The following CNTNAP4 variants were observed in gnomAD, a reference collection of about 807,000 sequenced individuals.
CNTNAP4 encodes the protein contactin associated protein family member 4.
Under a neutral mutation model 148.4 loss-of-function variants are expected in CNTNAP4, and 98 were observed. The ratio of observed to expected loss-of-function variants is 0.66; its 90% CI spans 0.56 to 0.78. The LOEUF (loss-of-function observed/expected upper bound fraction) is 0.78, where lower values mean the gene tolerates loss of function less well. Ranked by LOEUF, CNTNAP4 falls within the 30% of genes least tolerant of loss-of-function variation. CNTNAP4 has a pLI of 0.00. For synonymous variants in CNTNAP4, 730 were observed against 565.1 expected, an observed-to-expected ratio of 1.29 and a Z score of -4.14; for missense variants, 1,935 against 1,565.6, an observed-to-expected ratio of 1.24 and a Z score of -3.98.
At chr16:76,316,071 T>A (rs1961704189) in intron 1 of CNTNAP4, 1 of 368,580 alleles carries the variant, frequency 2.7e-6, no homozygotes, top group Admixed American at 4.3e-5. Flanking sequence ...TCTTTTTAAT[T>A]TCTTTACAGT....
intron 8 of CNTNAP4, among the ~76,000 whole-genome samples, chr16:76,459,030 T>C (rs551460953): frequency 3.3e-4 from 51 of 152,284 alleles, no homozygotes; most frequent in African/African-American, 1.2e-3. Context: ...GATCAGATAA[T>C]AAAATGTTCA....
At chr16:76,322,524 T>G (rs186644847) in intron 2 of CNTNAP4, among the ~76,000 whole-genome samples, 40 of 152,352 alleles carry the variant, frequency 2.6e-4, no homozygotes, top group Admixed American at 2.0e-3. Flanking sequence ...TAATCACTAC[T>G]ACATTTTACT....
At chr16:76,393,401 A>T (rs530990272) in intron 3 of CNTNAP4, among the ~76,000 whole-genome samples, 36 of 152,326 alleles carry the variant, frequency 2.4e-4, no homozygotes, top group African/African-American at 8.4e-4. Context: ...AATGATAGCA[A>T]CCCACATTGC....
chr16:76,548,573 G>C (rs977534043), intron 21 of CNTNAP4, among the ~76,000 whole-genome samples: 2 of 151,730 alleles, frequency 1.3e-5, no homozygotes, highest in Admixed American at 6.6e-5. Context: ...TTTCTTGCAG[G>C]CCTTTTGTTA....
intron 1 of CNTNAP4, among the ~76,000 whole-genome samples, chr16:76,313,879 A>G (rs1202487592): frequency 1.3e-5 from 2 of 152,208 alleles, no homozygotes; most frequent in African/African-American, 2.4e-5. Context: ...TATAGAATGT[A>G]TATGTTAAAA....
chr16:76,551,038 C>G (rs1185672164), intron 21 of CNTNAP4, among the ~76,000 whole-genome samples: 1 of 152,130 alleles, frequency 6.6e-6, no homozygotes, highest in Non-Finnish European at 1.5e-5. Flanking sequence ...ATTCAAAATA[C>G]TAAACATTGT....
chr16:76,466,589 C>G (rs1321428620), intron 9 of CNTNAP4, among the ~76,000 whole-genome samples: 2 of 151,890 alleles, frequency 1.3e-5, no homozygotes, highest in African/African-American at 4.8e-5. Context: ...ACTCGATAAA[C>G]TTATTTATTC....
chr16:76,307,919 C>A (rs1960669598), intron 1 of CNTNAP4, among the ~76,000 whole-genome samples: 1 of 152,080 alleles, frequency 6.6e-6, no homozygotes, highest in Admixed American at 6.5e-5. Context: ...GTGTTTGCCT[C>A]CAAATGAAAG....
chr16:76,551,724 A>C (rs1044324249), intron 21 of CNTNAP4, among the ~76,000 whole-genome samples: 3 of 152,202 alleles, frequency 2.0e-5, no homozygotes, highest in African/African-American at 7.2e-5. Context: ...AGTAGCATGC[A>C]AATCTTTTAG....
intron 1 of CNTNAP4, among the ~76,000 whole-genome samples, chr16:76,283,505 G>A (rs1958768338): frequency 2.0e-5 from 3 of 152,128 alleles, no homozygotes; most frequent in South Asian, 2.1e-4. Flanking sequence ...CACATACTTT[G>A]TAGTGCCATG....
intron 17 of CNTNAP4, among the ~76,000 whole-genome samples, chr16:76,532,447 A>G (rs1209989848): frequency 2.0e-5 from 3 of 152,188 alleles, no homozygotes; most frequent in Admixed American, 2.0e-4. Flanking sequence ...ACAGCTGGAA[A>G]TGGACTTTAG....
At chr16:76,522,314 C>G (rs1193464510) in intron 17 of CNTNAP4, 57 bp downstream of exon 17, 7 of 1,423,412 alleles carry the variant, frequency 4.9e-6, no homozygotes, top group Admixed American at 1.8e-5. Context: ...AGAAATGGCC[C>G]AAGATAAAAT....
Position 76,510,469 on chromosome 16 carries a change from C to T in CNTNAP4, c.2366-10671C>T, listed in dbSNP as rs201380143. ...AGGCTTCTGTGGACATCCATGTATGCTTTTTTTTTTGTGGACAAAGGCTTT... is the reference window on the plus strand; with the variant it reads ...AGGCTTCTGTGGACATCCATGTATGTTTTTTTTTTTGTGGACAAAGGCTTT... On this transcript the variant is annotated intron_variant, in intron 15 of 23. Transcript: ENST00000611870. Among the ~76,000 whole-genome samples the T allele has an allele frequency of 9.0e-3, 1,346 of 149,360 alleles. 19 individuals are homozygous for T. The highest frequency in any genetic ancestry group is 0.031 in the African/African-American group (1,281 of 40,944).
intron 10 of CNTNAP4, among the ~76,000 whole-genome samples, chr16:76,472,999 G>A (rs2081428904): frequency 6.6e-6 from 1 of 152,122 alleles, no homozygotes; most frequent in South Asian, 2.1e-4. Context: ...CTCCGTGAGG[G>A]GGGCAGAGGG....
chr16:76,434,569 T>A (rs2079742858), intron 4 of CNTNAP4, among the ~76,000 whole-genome samples: 1 of 152,082 alleles, frequency 6.6e-6, no homozygotes, highest in Non-Finnish European at 1.5e-5. Context: ...AATGGGAGAG[T>A]TGAATGGGGA....
In CNTNAP4 at chr16:76,559,406, T is replaced by TA. The variant is rs35002786; in HGVS notation, c.*730dup. Among the ~76,000 whole-genome samples, 30,887 of 152,018 alleles carry TA rather than the reference T, an allele frequency of 0.2. 3,938 individuals carry two copies. The highest frequency in any genetic ancestry group is 0.31 in the Middle Eastern group (92 of 294). On this transcript the variant is annotated 3_prime_UTR_variant, in exon 24 of 24. Coordinates refer to ENST00000611870, the MANE Select transcript of CNTNAP4 (RefSeq NM_033401.5). ...TGTTAGTATGTAATGTCTTTCCTTT[T>TA]AAAAAAAGTTTTCCAATTAATTTGC...
chr16:76,510,294 A>G (rs2082960296), intron 15 of CNTNAP4, among the ~76,000 whole-genome samples: 1 of 152,182 alleles, frequency 6.6e-6, no homozygotes, highest in Admixed American at 6.5e-5. Context: ...CATATTGTCA[A>G]GGAGGTTCAT....
At chr16:76,438,001 A>G (rs2145124183) in intron 4 of CNTNAP4, among the ~76,000 whole-genome samples, 1 of 152,290 alleles carries the variant, frequency 6.6e-6, no homozygotes, top group South Asian at 2.1e-4. Context: ...AGGTATTAAT[A>G]AAATGAAAGA....
At chr16:76,490,003 C>G in intron 13 of CNTNAP4, 120 bp downstream of exon 13, 3 of 509,840 alleles carry the variant, frequency 5.9e-6, no homozygotes, top group Non-Finnish European at 9.9e-6. Flanking sequence ...TATATGATCT[C>G]ACATACTTAG....
Sources: allele counts gnomAD v4.1 joint callset (sites outside exome capture counted in the v4.1 genomes callset), GRCh38; gene constraint gnomAD v4.1.1; transcripts MANE v1.5; gene names NCBI Gene and HGNC (gene_info 2026-07-23, HGNC 2026-07-21).